The following CD84 variants were observed in gnomAD, a reference collection of about 807,000 sequenced individuals.
CD84 encodes the protein SLAM family member 5.
A neutral mutation model predicts 33.8 loss-of-function variants in CD84; 22 were observed. The observed-to-expected ratio is 0.65, with a 90% CI of 0.46 to 0.93. The LOEUF (loss-of-function observed/expected upper bound fraction) is 0.93, where lower values mean the gene tolerates loss of function less well. Among genes scored for constraint, CD84 ranks in the 40% least tolerant of loss-of-function variants. CD84 has a pLI of 0.00. For synonymous variants in CD84, 154 were observed against 145.2 expected (o/e 1.06, Z -0.44); for missense variants, 400 against 397.6 (o/e 1.01, Z -0.05).
At chr1:160,560,008 A>T (rs1449987680) in intron 2 of CD84, among the ~76,000 whole-genome samples, 1 of 152,170 alleles carries the variant, frequency 6.6e-6, no homozygotes, top group Non-Finnish European at 1.5e-5. Context: ...GTTCTTAGAG[A>T]TCTACAAAAA....
At chr1:160,556,105 G>C (rs898808446) in intron 2 of CD84, among the ~76,000 whole-genome samples, 4 of 152,272 alleles carry the variant, frequency 2.6e-5, no homozygotes, top group African/African-American at 7.2e-5. Flanking sequence ...GGGAGTGCTT[G>C]GTGTTTACCA....
At chr1:160,567,848 G>T (rs377445899) in intron 1 of CD84, among the ~76,000 whole-genome samples, 1 of 152,096 alleles carries the variant, frequency 6.6e-6, no homozygotes, top group African/African-American at 2.4e-5. Flanking sequence ...GTGTCCCAGC[G>T]TGAATCCCTG....
rs772446960 is a variant in CD84 at position 160,565,733 on chromosome 1, G to T, written c.59C>A (p.Ala20Asp). 6.2e-7 allele frequency: 1 copy of T among 1,605,324 alleles called. No homozygotes were observed. The highest frequency in any genetic ancestry group is 8.5e-7 in the Non-Finnish European group (1 of 1,175,690). ...TGTGAAGATTTCTGAGTCTTTTCCA[G>T]CTGCTTCCGGCCCTGAGAACATAAA... The part of the protein sequence containing the change: ...LLCLQTWPEA[A>D]GKDSEIFTVN... Residue 20 changes from alanine to aspartate, a missense_variant, in exon 2 of 7, where the codon GCT (alanine) becomes GAT (aspartate). Ala to Asp is a moderately radical substitution (Grantham distance 126, BLOSUM62 -2). Coordinates refer to ENST00000368054, the MANE Select transcript of CD84 (RefSeq NM_003874.4).
intron 1 of CD84, among the ~76,000 whole-genome samples, chr1:160,567,920 C>T (rs1426804396): frequency 6.6e-6 from 1 of 152,022 alleles, no homozygotes; most frequent in Non-Finnish European, 1.5e-5. Flanking sequence ...TCAAAAGGAC[C>T]CTGAACTGGA....
chr1:160,566,014 C>G (rs190612279), intron 1 of CD84, among the ~76,000 whole-genome samples: 2 of 152,268 alleles, frequency 1.3e-5, no homozygotes, highest in East Asian at 3.9e-4. Flanking sequence ...CTTACAGACT[C>G]TGAAAGCTAG....
Position 160,549,798 on chromosome 1 carries a change from G to A in CD84, c.921+119C>T, listed in dbSNP as rs1201249426. 1.5e-5 allele frequency: 12 copies of A among 803,272 alleles called. 1 individual carries two copies. Among genetic ancestry groups the A allele is most frequent in the East Asian group, 4.9e-5 (2 of 41,036 alleles). 49.8% of individuals were successfully genotyped at this position (803,272 alleles called of 1,614,324 possible). On this transcript the variant is annotated intron_variant, in intron 6 of 6. Transcript: ENST00000368054. Reference sequence around the variant, plus strand: ...TATAGACCAAAAACCTAGGCAGTGGGTCCTGAGAACTACAAGGAGTCCCAG... The same window carrying A: ...TATAGACCAAAAACCTAGGCAGTGGATCCTGAGAACTACAAGGAGTCCCAG...
chr1:160,550,477 C>CT, intron 5 of CD84: 1 of 265,208 alleles, frequency 3.8e-6, no homozygotes, highest in Non-Finnish European at 5.8e-6. Flanking sequence ...AACAGTGACT[C>CT]TGAGTCTGAG....
At position 160,553,220 on chromosome 1, in the gene CD84, T is replaced by A; in HGVS notation, c.760+158A>T. On this transcript the variant is annotated intron_variant, in intron 4 of 6. Transcript: ENST00000368054. ...GACCATTCAGGGTAATGTCATACCA[T>A]CCTCAGAGCCATCATTCTGGGAGGT... 3 of 1,185,520 alleles carry A rather than the reference T, an allele frequency of 2.5e-6. No individual in the cohort carries two copies. The Admixed American group carries it at 5.9e-5, about 23-fold the overall frequency. 73.4% of individuals were successfully genotyped at this position (1,185,520 alleles called of 1,614,324 possible).
At chr1:160,572,041 G>A (rs762493953) in intron 1 of CD84, among the ~76,000 whole-genome samples, 4 of 152,226 alleles carry the variant, frequency 2.6e-5, no homozygotes, top group Non-Finnish European at 5.9e-5. Context: ...GGTATTTTGA[G>A]ATGTTATTAA....
chr1:160,549,968 G>C lies in CD84; in HGVS notation c.870C>G (p.Ser290=). The part of the protein sequence containing the change: ...DEILQSKVLP[S]KEEPVNTVYS... ...AAACTGTGTTCACTGGCTCTTCCTT[G>C]GAGGGAAGCACCTGTAAAACACACA... is the stretch of plus-strand genomic sequence containing the variant. The change falls in exon 6 of 7, where the codon TCC becomes TCG. Residue 290 remains serine, a synonymous_variant. Coordinates refer to ENST00000368054, the MANE Select transcript of CD84 (RefSeq NM_003874.4). 1 of 1,610,648 alleles carries C rather than the reference G, an allele frequency of 6.2e-7. No homozygotes were observed. The highest frequency in any genetic ancestry group is 1.1e-5 in the South Asian group (1 of 90,998).
At chr1:160,578,170 G>C (rs911746290) in intron 1 of CD84, among the ~76,000 whole-genome samples, 1 of 152,254 alleles carries the variant, frequency 6.6e-6, no homozygotes, top group African/African-American at 2.4e-5. Flanking sequence ...TGCATAATGG[G>C]ATTAATAACG....
At chr1:160,550,173 G>C (rs1221151176) in intron 5 of CD84, among the ~76,000 whole-genome samples, 194 bp from the exon 6 acceptor site, 1 of 151,808 alleles carries the variant, frequency 6.6e-6, no homozygotes, top group Non-Finnish European at 1.5e-5. Flanking sequence ...GGGGTGAATG[G>C]GTAGCAGTTG....
chr1:160,558,463 CAG>C (rs1313547886), intron 2 of CD84, among the ~76,000 whole-genome samples: 1 of 152,116 alleles, frequency 6.6e-6, no homozygotes, highest in Non-Finnish European at 1.5e-5. Flanking sequence ...AAAAAGACCT[CAG>C]AAAAACCCCA....
At position 160,547,886 on chromosome 1, in the gene CD84, C is replaced by A; in HGVS notation, c.*370G>T. ...CACAGTTACTGGGCAGGGTTGTTAC[C>A]TCCAGTCACAAGAGGCCTCTAGTCA... On this transcript the variant is annotated 3_prime_UTR_variant, in exon 7 of 7. Transcript: ENST00000368054. 3.7e-6 allele frequency: 1 copy of A among 266,872 alleles called. No individual in the cohort carries two copies. The highest frequency in any genetic ancestry group is 7.3e-6 in the Non-Finnish European group (1 of 136,066). The allele number at this position is 266,872 out of a possible 1,614,324, so 16.5% of individuals were successfully genotyped here.
chr1:160,577,209 T>G (rs1426722455), intron 1 of CD84, among the ~76,000 whole-genome samples: 1 of 152,124 alleles, frequency 6.6e-6, no homozygotes, highest in Non-Finnish European at 1.5e-5. Flanking sequence ...TGAGGGGAAA[T>G]GGGGATTTCT....
intron 2 of CD84, among the ~76,000 whole-genome samples, chr1:160,558,976 G>A (rs1277809333): frequency 6.6e-6 from 1 of 152,168 alleles, no homozygotes; most frequent in South Asian, 2.1e-4. Flanking sequence ...GACATATGGA[G>A]TTATGTATAG....
At chr1:160,578,805 G>C (rs761528576) in intron 1 of CD84, among the ~76,000 whole-genome samples, 2 of 152,004 alleles carry the variant, frequency 1.3e-5, no homozygotes, top group Non-Finnish European at 2.9e-5. Flanking sequence ...TCTTTTTTGA[G>C]ACTATTTGTA....
At chr1:160,570,036 A>G (rs900051527) in intron 1 of CD84, among the ~76,000 whole-genome samples, 1 of 152,162 alleles carries the variant, frequency 6.6e-6, no homozygotes, top group Admixed American at 6.5e-5. Flanking sequence ...TGCATCAGAG[A>G]GGCCATTTAG....
rs1655570344 is a variant in CD84, at chr1:160,542,062, C to T, written c.*6194G>A. ...GAGCCAAGGATGAAAAAGTTTTCTG[C>T]CTTGGGTAGCTGCTGATTGGTGAAG... is the stretch of plus-strand genomic sequence containing the variant. On this transcript the variant is annotated 3_prime_UTR_variant, in exon 7 of 7. Coordinates refer to ENST00000368054, the MANE Select transcript of CD84 (RefSeq NM_003874.4). 2 of 152,154 alleles carry T rather than the reference C, an allele frequency of 1.3e-5. No individual in the cohort carries two copies. Among genetic ancestry groups the T allele is most frequent in the South Asian group, 2.1e-4 (1 of 4,824 alleles). 9.4% of individuals were successfully genotyped at this position (152,154 alleles called of 1,614,324 possible). A position where few individuals can be genotyped will look rare whatever the true frequency, so the allele number is the denominator to read the frequency against.
Sources: gnomAD v4.1 joint callset for allele counts (sites outside exome capture counted in the v4.1 genomes callset) on GRCh38, gnomAD v4.1.1 for gene constraint, MANE v1.5 for transcripts, NCBI Gene and HGNC (gene_info 2026-07-23, HGNC 2026-07-21) for gene names.